RECK: variants seen among roughly 807,000 people sequenced by gnomAD.
The protein encoded by RECK is reversion inducing cysteine rich protein with kazal motifs, also known as reversion-inducing cysteine-rich protein with Kazal motifs.
Under a neutral mutation model 115.1 loss-of-function variants are expected in RECK, and 69 were observed. That is an observed-to-expected ratio of 0.60 (90% CI 0.49 to 0.73). The LOEUF (loss-of-function observed/expected upper bound fraction) is 0.73. Among genes scored for constraint, RECK ranks in the 30% least tolerant of loss-of-function variants. The pLI, the probability that RECK is intolerant of heterozygous loss-of-function variation, is 0.00. For synonymous variants in RECK, 414 were observed against 419.7 expected (o/e 0.99, Z 0.17); for missense variants, 1,047 against 1,203.7 (o/e 0.87, Z 1.93).
At chr9:36,112,169 T>G in intron 15 of RECK, 136 bp from the exon 16 acceptor site, 2 of 649,722 alleles carry the variant, frequency 3.1e-6, no homozygotes, top group Non-Finnish European at 2.4e-6. Context: ...GGAGAGAAGG[T>G]TTTTCCTGAC....
intron 13 of RECK, among the ~76,000 whole-genome samples, chr9:36,106,083 G>A (rs556035214): frequency 6.6e-5 from 10 of 151,640 alleles, no homozygotes; most frequent in African/African-American, 1.4e-4. Flanking sequence ...CACGGTGGGC[G>A]CCTGTAGTCC....
chr9:36,113,396 A>G (rs1385757905), intron 16 of RECK, among the ~76,000 whole-genome samples: 4 of 152,246 alleles, frequency 2.6e-5, no homozygotes, highest in Admixed American at 6.5e-5. Flanking sequence ...CAAATTTTAT[A>G]CAATGAAACT....
At chr9:36,104,219 T>A (rs1823671099) in intron 12 of RECK, among the ~76,000 whole-genome samples, 1 of 145,532 alleles carries the variant, frequency 6.9e-6, no homozygotes, top group African/African-American at 2.5e-5. Flanking sequence ...CACTACTTAT[T>A]ACTTACAATT....
At chr9:36,059,169 A>T (rs1821658594) in intron 3 of RECK, among the ~76,000 whole-genome samples, 1 of 152,302 alleles carries the variant, frequency 6.6e-6, no homozygotes, top group Non-Finnish European at 1.5e-5. Flanking sequence ...ATAGTATTTT[A>T]TCTGGGGTCG....
chr9:36,048,430 C>T (rs1487965265), intron 1 of RECK, among the ~76,000 whole-genome samples: 1 of 152,058 alleles, frequency 6.6e-6, no homozygotes. Context: ...GTTGATGAAG[C>T]AGTGTTGTTT....
At chr9:36,116,901 C>T in intron 16 of RECK, 84 bp from the exon 17 acceptor site, 1 of 1,092,016 alleles carries the variant, frequency 9.2e-7, no homozygotes, top group Admixed American at 2.1e-5. Flanking sequence ...TCTCTTCAGC[C>T]TCCTATCCCT....
Position 36,105,149 on chromosome 9 carries a change from G to C in RECK, c.1442G>C (p.Ser481Thr). 1 of 1,613,914 alleles carries C rather than the reference G, an allele frequency of 6.2e-7. No homozygotes were observed. The highest frequency in any genetic ancestry group is 8.5e-7 in the Non-Finnish European group (1 of 1,179,930). ...CIPLDTYLRP[S>T]TLGNIVEEVT... ...TCTGTTTTGGTTTTTTCAGGGCCAA[G>C]TACTTTAGGTAACATTGTAGAAGAA... Residue 481 changes from serine (S) to threonine (T), a missense_variant, in exon 13 of 21, where the codon AGT becomes ACT. Ser to Thr is a moderately conservative substitution (Grantham distance 58, BLOSUM62 1). Transcript: ENST00000377966.
chr9:36,055,198 T>C (rs1821475143), intron 2 of RECK, among the ~76,000 whole-genome samples: 1 of 152,184 alleles, frequency 6.6e-6, no homozygotes, highest in Non-Finnish European at 1.5e-5. Context: ...TTTTTAAGTG[T>C]GATTACTAGT....
intron 9 of RECK, among the ~76,000 whole-genome samples, 199 bp from the exon 10 acceptor site, chr9:36,090,965 G>T (rs1341108680): frequency 6.6e-6 from 1 of 152,168 alleles, no homozygotes; most frequent in Non-Finnish European, 1.5e-5. Context: ...GAAAAGGTAG[G>T]TGATAAAAGA....
chr9:36,076,812 A>G (rs1452544600), intron 6 of RECK, among the ~76,000 whole-genome samples: 1 of 152,222 alleles, frequency 6.6e-6, no homozygotes, highest in African/African-American at 2.4e-5. Context: ...CTGATTTTAA[A>G]AATAGGGGAC....
intron 1 of RECK, among the ~76,000 whole-genome samples, chr9:36,038,866 G>A (rs79810605): frequency 1.6e-4 from 24 of 151,840 alleles, no homozygotes; most frequent in African/African-American, 5.8e-4. Flanking sequence ...GATTGCTAAT[G>A]AGTATGAAGT....
At chr9:36,046,280 A>G (rs1029702745) in intron 1 of RECK, among the ~76,000 whole-genome samples, 9 of 152,194 alleles carry the variant, frequency 5.9e-5, no homozygotes, top group Non-Finnish European at 1.2e-4. Flanking sequence ...TAATAGTTGA[A>G]TGACCCAATT....
At chr9:36,117,978 T>TA (rs999190674) in intron 17 of RECK, among the ~76,000 whole-genome samples, 15 of 151,322 alleles carry the variant, frequency 9.9e-5, no homozygotes, top group East Asian at 5.8e-4. Context: ...AGACTCCATC[T>TA]AAAAAAAAAG....
At chr9:36,109,010 G>C (rs1295219468) in intron 14 of RECK, among the ~76,000 whole-genome samples, 2 of 152,094 alleles carry the variant, frequency 1.3e-5, no homozygotes, top group East Asian at 3.9e-4. Context: ...GATTTGATTA[G>C]AAAGAAGAGT....
At position 36,123,054 on chromosome 9, in the gene RECK, G is replaced by T; in HGVS notation, c.*9G>T. ...TCTGGACATATAACTGACTGCCCAC[G>T]GAAAGTGCAGAATGCTCCTCCACCT... On this transcript the variant is annotated 3_prime_UTR_variant, in exon 21 of 21. Coordinates refer to ENST00000377966, the MANE Select transcript of RECK (RefSeq NM_021111.3). 2 of 1,606,364 alleles carry T rather than the reference G, an allele frequency of 1.2e-6. No individual in the cohort carries two copies. The highest frequency in any genetic ancestry group is 1.7e-6 in the Non-Finnish European group (2 of 1,173,982).
At chr9:36,046,796 G>GT (rs901335573) in intron 1 of RECK, among the ~76,000 whole-genome samples, 10 of 152,010 alleles carry the variant, frequency 6.6e-5, no homozygotes, top group African/African-American at 2.2e-4. Flanking sequence ...AATTTTTGAG[G>GT]TTTTTTAAAT....
At chr9:36,076,732 A>C (rs1385628457) in intron 6 of RECK, among the ~76,000 whole-genome samples, 1 of 152,262 alleles carries the variant, frequency 6.6e-6, no homozygotes, top group East Asian at 1.9e-4. Context: ...TTTTAGGATC[A>C]AAATATTTTT....
chr9:36,086,834 TC>T (rs1435746024), intron 8 of RECK, among the ~76,000 whole-genome samples: 1 of 152,234 alleles, frequency 6.6e-6, no homozygotes, highest in Non-Finnish European at 1.5e-5. Context: ...AAGAACATAA[TC>T]CCTTTTAGGT....
chr9:36,039,585 G>A (rs1193158582), intron 1 of RECK, among the ~76,000 whole-genome samples: 2 of 152,162 alleles, frequency 1.3e-5, no homozygotes, highest in Non-Finnish European at 2.9e-5. Flanking sequence ...TGGAGGATGA[G>A]AAGGGACCCT....
Sources: gnomAD v4.1 joint callset for allele counts (sites outside exome capture counted in the v4.1 genomes callset) on GRCh38, gnomAD v4.1.1 for gene constraint, MANE v1.5 for transcripts, NCBI Gene and HGNC (gene_info 2026-07-23, HGNC 2026-07-21) for gene names.